Variants in SMAD7 observed in about 807,000 individuals in gnomAD.
SMAD7 encodes MAD (mothers against decapentaplegic, Drosophila) homolog 7.
Under a neutral mutation model 38.7 loss-of-function variants are expected in SMAD7, and 8 were observed. The ratio of observed to expected loss-of-function variants is 0.21; its 90% CI spans 0.12 to 0.37. The LOEUF (loss-of-function observed/expected upper bound fraction) is 0.37. SMAD7 is among the 10% of genes least tolerant of loss of function. SMAD7 has a pLI of 1.00. For synonymous variants in SMAD7, 327 were observed against 265.1 expected, an observed-to-expected ratio of 1.23 and a Z score of -2.27; for missense variants, 477 against 577.9, an observed-to-expected ratio of 0.83 and a Z score of 1.79.
chr18:48,931,352 G>A (rs1342495325), intron 3 of SMAD7, among the ~76,000 whole-genome samples: 2 of 152,112 alleles, frequency 1.3e-5, no homozygotes, highest in African/African-American at 4.8e-5. Context: ...AAAGGCCTCA[G>A]CTCTCTTAAG....
rs1470973072 is a variant in SMAD7 at position 48,919,858 on chromosome 18, T to C, written c.*1514A>G. On this transcript the variant is annotated 3_prime_UTR_variant, in exon 4 of 4. Transcript: ENST00000262158. ...AGTTGGAGGACAACATGAAATCAAG[T>C]GTACATTTTAAAAATCGTTTAATGG... 6.6e-6 allele frequency: 1 copy of C among 152,616 alleles called. No individual in the cohort carries two copies. Among genetic ancestry groups the C allele is most frequent in the Non-Finnish European group, 1.5e-5 (1 of 68,034 alleles). 9.5% of individuals were successfully genotyped at this position (152,616 alleles called of 1,614,324 possible).
intron 3 of SMAD7, among the ~76,000 whole-genome samples, chr18:48,937,171 C>A (rs1349808927): frequency 6.6e-6 from 1 of 152,034 alleles, no homozygotes; most frequent in Admixed American, 6.5e-5. Flanking sequence ...CATTTCCTCC[C>A]TTTTCACTGC....
At chr18:48,945,416 C>T (rs772497483) in intron 2 of SMAD7, among the ~76,000 whole-genome samples, 40 of 151,908 alleles carry the variant, frequency 2.6e-4, no homozygotes, top group Non-Finnish European at 4.6e-4. Context: ...GAGCCGAGAT[C>T]GGGCCACTGC....
chr18:48,937,123 G>A (rs2143794140), intron 3 of SMAD7, among the ~76,000 whole-genome samples: 1 of 151,716 alleles, frequency 6.6e-6, no homozygotes, highest in South Asian at 2.1e-4. Flanking sequence ...ATTTTAAAAA[G>A]AAGCAAAGGA....
chr18:48,923,156 C>G (rs2069883851), intron 3 of SMAD7, among the ~76,000 whole-genome samples: 1 of 152,172 alleles, frequency 6.6e-6, no homozygotes, highest in African/African-American at 2.4e-5. Flanking sequence ...GGGGGAAAAG[C>G]AGAGGGGAAG....
At chr18:48,945,467 AAAG>A (rs2070185131) in intron 2 of SMAD7, among the ~76,000 whole-genome samples, 1 of 152,182 alleles carries the variant, frequency 6.6e-6, no homozygotes, top group Non-Finnish European at 1.5e-5. Flanking sequence ...TCGGAAAAAA[AAAG>A]AACACAGCAC....
chr18:48,949,191 G>T, intron 1 of SMAD7: 1 of 627,296 alleles, frequency 1.6e-6, no homozygotes, highest in Non-Finnish European at 2.0e-6. Flanking sequence ...TTGTTCCTCT[G>T]CACCCTGGGG....
chr18:48,941,231 G>T (rs976286208), intron 3 of SMAD7, among the ~76,000 whole-genome samples: 3 of 152,084 alleles, frequency 2.0e-5, no homozygotes, highest in African/African-American at 7.2e-5. Context: ...CCACCGTACT[G>T]CCTGAAGCCC....
chr18:48,936,512 AG>A (rs1271582601), intron 3 of SMAD7, among the ~76,000 whole-genome samples: 1 of 152,226 alleles, frequency 6.6e-6, no homozygotes, highest in Non-Finnish European at 1.5e-5. Context: ...ATGACAGCAA[AG>A]CAAAACAGTG....
rs552164226 is a variant in SMAD7, at chr18:48,934,269, C to T, written c.742+8212G>A. On this transcript the variant is annotated intron_variant, in intron 3 of 3. Coordinates refer to ENST00000262158, the MANE Select transcript of SMAD7 (RefSeq NM_005904.4). ...TTTCCCCTCCACTCCTCACTAGCAC[C>T]CTAGAAATAGTCTCAGGAAAGTTAC... Among the ~76,000 whole-genome samples, 35 of 152,156 alleles carry T rather than the reference C, an allele frequency of 2.3e-4. No homozygotes were observed. In the East Asian group the frequency reaches 6.0e-3, roughly 26 times the overall value.
intron 3 of SMAD7, among the ~76,000 whole-genome samples, chr18:48,925,968 G>C (rs974274066): frequency 1.3e-5 from 2 of 152,146 alleles, no homozygotes; most frequent in African/African-American, 2.4e-5. Flanking sequence ...GGATGGTCTC[G>C]ATCTCCTGAC....
Position 48,950,513 on chromosome 18 carries a change from T to TG in SMAD7, c.-90dup. The TG allele has an allele frequency of 7.5e-7, 1 of 1,331,002 alleles. No homozygotes were observed. Among genetic ancestry groups the TG allele is most frequent in the South Asian group, 1.6e-5 (1 of 64,386 alleles). The allele number at this position is 1,331,002 out of a possible 1,614,324, so 82.4% of individuals were successfully genotyped here. ...ACCATGAAGAAGTCGGGCGCCGAGT[T>TG]GGGGCAGCAGGCGCAGGCGACAGCA... On this transcript the variant is annotated 5_prime_UTR_variant, in exon 1 of 4. Coordinates refer to ENST00000262158, the MANE Select transcript of SMAD7 (RefSeq NM_005904.4).
intron 3 of SMAD7, among the ~76,000 whole-genome samples, chr18:48,923,731 G>A (rs186626271): frequency 2.0e-5 from 3 of 151,906 alleles, no homozygotes; most frequent in South Asian, 2.1e-4. Context: ...AAAACTGGCC[G>A]GTCACCACCC....
At chr18:48,937,959 G>A (rs527988267) in intron 3 of SMAD7, among the ~76,000 whole-genome samples, 84 of 152,322 alleles carry the variant, frequency 5.5e-4, no homozygotes, top group African/African-American at 1.9e-3. Context: ...GGCAGGGGGA[G>A]GTGACTTAAT....
chr18:48,929,573 T>TCACA (rs6146310), intron 3 of SMAD7, among the ~76,000 whole-genome samples: 34 of 137,418 alleles, frequency 2.5e-4, no homozygotes, highest in African/African-American at 8.8e-4. Context: ...TCTCTCTCAC[T>TCACA]CACACACACA....
At chr18:48,942,178 A>T (rs929139152) in intron 3 of SMAD7, among the ~76,000 whole-genome samples, 1 of 152,202 alleles carries the variant, frequency 6.6e-6, no homozygotes, top group Admixed American at 6.5e-5. Flanking sequence ...ACCAAGCTGA[A>T]GCCCCCCAAG....
intron 1 of SMAD7, among the ~76,000 whole-genome samples, chr18:48,949,050 A>T (rs1239010555): frequency 6.6e-6 from 1 of 152,248 alleles, no homozygotes; most frequent in Non-Finnish European, 1.5e-5. Flanking sequence ...TCAGGGTCTC[A>T]GCCGAGAAGC....
chr18:48,949,665 C>T (rs927933364), intron 1 of SMAD7, 147 bp downstream of exon 1: 28 of 813,080 alleles, frequency 3.4e-5, no homozygotes, highest in Middle Eastern at 3.3e-4. Flanking sequence ...AGGGTATGCA[C>T]ACTCTCCCAG....
intron 2 of SMAD7, among the ~76,000 whole-genome samples, chr18:48,944,497 T>A (rs1039805877): frequency 6.6e-6 from 1 of 152,230 alleles, no homozygotes. Context: ...TAAGCCTCCC[T>A]ACCACCCCTG....
Sources: allele counts gnomAD v4.1 joint callset (sites outside exome capture counted in the v4.1 genomes callset), GRCh38; gene constraint gnomAD v4.1.1; transcripts MANE v1.5; gene names NCBI Gene and HGNC (gene_info 2026-07-23, HGNC 2026-07-21).